CSPP1: variants seen among roughly 807,000 people sequenced by gnomAD.
CSPP1 encodes centrosome and spindle pole-associated protein 1.
A neutral mutation model predicts 164.4 loss-of-function variants in CSPP1; 126 were observed. The ratio of observed to expected loss-of-function variants is 0.77; its 90% CI spans 0.66 to 0.89. The LOEUF (loss-of-function observed/expected upper bound fraction) is 0.89, where lower values mean the gene tolerates loss of function less well. CSPP1 is among the 40% of genes least tolerant of loss of function. CSPP1 has a pLI of 0.00. For missense variants in CSPP1, 1,395 were observed against 1,449.8 expected (o/e 0.96, Z 0.61); for synonymous variants, 472 against 476.7 (o/e 0.99, Z 0.13).
chr8:67,127,325 T>C (rs1308070287), intron 15 of CSPP1, among the ~76,000 whole-genome samples: 1 of 152,202 alleles, frequency 6.6e-6, no homozygotes, highest in Non-Finnish European at 1.5e-5. Context: ...TCAGCAGATT[T>C]GGTTCCTAGT....
At chr8:67,136,249 G>T (rs1822238095) in intron 16 of CSPP1, among the ~76,000 whole-genome samples, 1 of 152,120 alleles carries the variant, frequency 6.6e-6, no homozygotes, top group Non-Finnish European at 1.5e-5. Context: ...TCAATGCAGA[G>T]TTGCCACAAA....
chr8:67,101,268 A>G (rs1172797220), intron 7 of CSPP1, among the ~76,000 whole-genome samples: 2 of 152,162 alleles, frequency 1.3e-5, no homozygotes, highest in African/African-American at 4.8e-5. Flanking sequence ...TTTAGCATAA[A>G]CTATAGTTTG....
intron 1 of CSPP1, among the ~76,000 whole-genome samples, chr8:67,071,014 G>C (rs113544008): frequency 3.9e-5 from 6 of 152,178 alleles, no homozygotes; most frequent in African/African-American, 1.2e-4. Context: ...CAGCCTCTCA[G>C]AGTGCTGGGA....
intron 24 of CSPP1, among the ~76,000 whole-genome samples, chr8:67,170,738 C>A (rs1233395382): frequency 1.3e-5 from 2 of 151,952 alleles, no homozygotes; most frequent in African/African-American, 2.4e-5. Flanking sequence ...TATAAATATG[C>A]TATATTTTAA....
rs1239845932 is a variant in CSPP1 at position 67,159,017 on chromosome 8, TC to T, written c.2419del (p.Arg807GlyfsTer2). The T allele has an allele frequency of 6.2e-7, 1 of 1,608,770 alleles. No individual in the cohort carries two copies. Among genetic ancestry groups the T allele is most frequent in the Admixed American group, 1.7e-5 (1 of 59,196 alleles). On this transcript the variant is annotated frameshift_variant, in exon 21 of 31. Coordinates refer to ENST00000678616, the MANE Select transcript of CSPP1 (RefSeq NM_001382391.1). LOFTEE classifies it high-confidence loss of function. ...EQRLKNEEHIRLAEERQKEAE... is the reference protein window; with the variant it reads ...EQRLKNEEHIXLAEERQKEAE... ...AAAGGCTAAAAAATGAAGAGCATAT[TC>T]GGTTAGCTGAAGAAAGACAAAAAGA...
intron 21 of CSPP1, among the ~76,000 whole-genome samples, chr8:67,160,481 G>A (rs1224871978): frequency 2.7e-5 from 4 of 147,842 alleles, no homozygotes; most frequent in African/African-American, 9.9e-5. Flanking sequence ...AAAAAAAAAA[G>A]AATTAAACAG....
chr8:67,068,939 A>G (rs1806144043), intron 1 of CSPP1, among the ~76,000 whole-genome samples: 1 of 152,200 alleles, frequency 6.6e-6, no homozygotes, highest in Non-Finnish European at 1.5e-5. Flanking sequence ...TACCAGTTAC[A>G]GCATTAGCCT....
At chr8:67,131,737 G>A (rs559753642) in intron 15 of CSPP1, among the ~76,000 whole-genome samples, 14 of 152,296 alleles carry the variant, frequency 9.2e-5, no homozygotes, top group African/African-American at 3.4e-4. Flanking sequence ...TTAAGAAATA[G>A]ATACAGTGAA....
chr8:67,138,399 G>C (rs1369809536), intron 17 of CSPP1, among the ~76,000 whole-genome samples: 1 of 152,170 alleles, frequency 6.6e-6, no homozygotes, highest in Admixed American at 6.5e-5. Flanking sequence ...TATGTAAATA[G>C]TTGTAATCTT....
intron 27 of CSPP1, 29 bp downstream of exon 27, chr8:67,177,755 T>C (rs1563763231): frequency 6.4e-7 from 1 of 1,558,306 alleles, no homozygotes; most frequent in Non-Finnish European, 8.8e-7. Flanking sequence ...TTTTTCAAGT[T>C]AGTTTTTGGG....
chr8:67,116,738 A>G (rs903113067), intron 13 of CSPP1, among the ~76,000 whole-genome samples: 4 of 152,072 alleles, frequency 2.6e-5, no homozygotes, highest in South Asian at 2.1e-4. Flanking sequence ...TTTCTGGGCT[A>G]TACTTTCTTC....
intron 17 of CSPP1, among the ~76,000 whole-genome samples, chr8:67,141,370 G>C (rs762152926): frequency 6.6e-6 from 1 of 152,130 alleles, no homozygotes; most frequent in Non-Finnish European, 1.5e-5. Context: ...GTAATGTTTA[G>C]TTGGCTTATT....
intron 1 of CSPP1, among the ~76,000 whole-genome samples, chr8:67,072,409 C>T (rs1285491225): frequency 1.3e-5 from 2 of 151,968 alleles, no homozygotes; most frequent in Non-Finnish European, 2.9e-5. Context: ...AGAAAACTTA[C>T]AAACCACAGA....
Position 67,109,706 on chromosome 8 carries a change from C to T in CSPP1, c.1094-2266C>T, listed in dbSNP as rs748276739. On this transcript the variant is annotated intron_variant, in intron 9 of 30. Transcript: ENST00000678616. ...AGTTTCTCATTGTCCGAACTAGTAC[C>T]CCAGGTTCTTTGTCCCATATCCGAG... 5.0e-4 allele frequency among the ~76,000 whole-genome samples: 76 copies of T among 151,458 alleles called. 1 individual carries two copies. Among genetic ancestry groups the T allele is most frequent in the Non-Finnish European group, 6.6e-4 (45 of 67,982 alleles).
At position 67,190,702 on chromosome 8, in the gene CSPP1, A is replaced by G. The variant is rs1835977709; in HGVS notation, c.3273A>G (p.Pro1091=). 1 of 1,614,156 alleles carries G rather than the reference A, an allele frequency of 6.2e-7. No individual in the cohort carries two copies. The highest frequency in any genetic ancestry group is 8.5e-7 in the Non-Finnish European group (1 of 1,180,022). The part of the protein sequence containing the change: ...PAIEDDVLPP[P]SQLPSARERR... ...TTGAAGATGACGTCCTCCCTCCACCATCACAGTTGCCCTCTGCACGGGAGC... is the reference window on the plus strand; with the variant it reads ...TTGAAGATGACGTCCTCCCTCCACCGTCACAGTTGCCCTCTGCACGGGAGC... Residue 1091 remains proline (P), a synonymous_variant, in exon 29 of 31, where the codon CCA becomes CCG. Coordinates refer to ENST00000678616, the MANE Select transcript of CSPP1 (RefSeq NM_001382391.1).
chr8:67,102,124 C>A (rs1413853858), intron 7 of CSPP1, among the ~76,000 whole-genome samples: 1 of 152,134 alleles, frequency 6.6e-6, no homozygotes, highest in Non-Finnish European at 1.5e-5. Flanking sequence ...GCTAATCTTT[C>A]TTTTTGTTGT....
chr8:67,180,373 C>T (rs1414415548), intron 28 of CSPP1, among the ~76,000 whole-genome samples: 2 of 152,156 alleles, frequency 1.3e-5, no homozygotes, highest in East Asian at 1.9e-4. Context: ...ATTTACATAA[C>T]ATTTTTGAAA....
intron 28 of CSPP1, among the ~76,000 whole-genome samples, chr8:67,187,772 G>C (rs1271682488): frequency 3.3e-5 from 5 of 152,220 alleles, no homozygotes; most frequent in Admixed American, 2.0e-4. Flanking sequence ...ACCAAAGGCA[G>C]TATTATGATG....
At chr8:67,190,331 A>G (rs1419791030) in intron 28 of CSPP1, among the ~76,000 whole-genome samples, 2 of 152,228 alleles carry the variant, frequency 1.3e-5, no homozygotes, top group Non-Finnish European at 2.9e-5. Context: ...ATTAAGTTGT[A>G]GAATTCCATT....
Sources: gnomAD v4.1 joint callset for allele counts (sites outside exome capture counted in the v4.1 genomes callset) on GRCh38, gnomAD v4.1.1 for gene constraint, MANE v1.5 for transcripts, NCBI Gene and HGNC (gene_info 2026-07-23, HGNC 2026-07-21) for gene names.